MAMDC2: variants seen among roughly 807,000 people sequenced by gnomAD.
MAMDC2 encodes MAM domain-containing protein 2.
Under a neutral mutation model 89.8 loss-of-function variants are expected in MAMDC2, and 57 were observed. The ratio of observed to expected loss-of-function variants is 0.63; its 90% CI spans 0.51 to 0.79. The LOEUF (loss-of-function observed/expected upper bound fraction) is 0.79. MAMDC2 is among the 30% of genes least tolerant of loss of function. The pLI, the probability that MAMDC2 is intolerant of heterozygous loss-of-function variation, is 0.00. For synonymous variants in MAMDC2, 313 were observed against 293.4 expected, an observed-to-expected ratio of 1.07 and a Z score of -0.68; for missense variants, 800 against 820.6, an observed-to-expected ratio of 0.97 and a Z score of 0.31.
chr9:70,113,241 G>C, intron 5 of MAMDC2, 109 bp downstream of exon 5: 1 of 1,288,058 alleles, frequency 7.8e-7, no homozygotes, highest in Non-Finnish European at 1.1e-6. Flanking sequence ...GAAGAGAGGA[G>C]GGAGGAGGGT....
chr9:70,099,370 T>G (rs1274631387), intron 2 of MAMDC2, among the ~76,000 whole-genome samples: 1 of 152,238 alleles, frequency 6.6e-6, no homozygotes, highest in Non-Finnish European at 1.5e-5. Context: ...TTTGAAAGTC[T>G]TTGATATGCA....
chr9:70,197,820 A>T (rs952124935), intron 11 of MAMDC2, among the ~76,000 whole-genome samples: 1 of 152,098 alleles, frequency 6.6e-6, no homozygotes, highest in African/African-American at 2.4e-5. Context: ...GTCATAGCTC[A>T]TTCATCCAGG....
Position 70,108,252 on chromosome 9 carries a change from G to A in MAMDC2, c.190G>A (p.Glu64Lys). The change falls in exon 3 of 14, where the codon GAG becomes AAG. Residue 64 changes from glutamate to lysine, a missense_variant. By Grantham distance (56) the Glu-to-Lys change is moderately conservative. Coordinates refer to ENST00000377182, the MANE Select transcript of MAMDC2 (RefSeq NM_153267.5). ...GGATACCTCCTTTGGCAAGCAGGGG[G>A]AGAAAGCTGTGCTGCTAAGTCCTGA... is the stretch of plus-strand genomic sequence containing the variant. ...YVDTSFGKQGEKAVLLSPDLQ... is the reference protein window; with the variant it reads ...YVDTSFGKQGKKAVLLSPDLQ... 1.2e-6 allele frequency: 2 copies of A among 1,611,922 alleles called. No individual in the cohort carries two copies. Among genetic ancestry groups the A allele is most frequent in the Non-Finnish European group, 1.7e-6 (2 of 1,179,054 alleles).
chr9:70,170,516 G>C lies in MAMDC2; in HGVS notation c.1536G>C (p.Glu512Asp), dbSNP rs371556759. 1.7e-5 allele frequency: 28 copies of C among 1,612,458 alleles called. No individual in the cohort carries two copies. The African/African-American group carries it at 3.1e-4, about 18-fold the overall frequency. ...CTCCACCTGGAGAGTGTACTTTCGA[G>C]CAAGATGAATGTACATTTACTCAGG... ...LPPPPGECTF[E>D]QDECTFTQEK... is the part of the protein sequence containing the mutation. Residue 512 changes from glutamate (E) to aspartate (D), a missense_variant, in exon 11 of 14, where the codon GAG becomes GAC. Physicochemically the swap from Glu to Asp is conservative, Grantham distance 45 (BLOSUM62 2). Transcript: ENST00000377182.
At chr9:70,182,363 G>A (rs2032662746) in intron 11 of MAMDC2, among the ~76,000 whole-genome samples, 1 of 152,054 alleles carries the variant, frequency 6.6e-6, no homozygotes, top group Non-Finnish European at 1.5e-5. Context: ...AATGATGCCG[G>A]CCTCATAAAA....
chr9:70,168,841 T>C (rs2032246917), intron 10 of MAMDC2, 46 bp downstream of exon 10: 2 of 1,439,678 alleles, frequency 1.4e-6, no homozygotes, highest in Non-Finnish European at 2.0e-6. Flanking sequence ...GACCTATACA[T>C]ACATTTCCTG....
intron 7 of MAMDC2, among the ~76,000 whole-genome samples, chr9:70,134,100 C>G (rs1477432751): frequency 6.6e-6 from 1 of 152,150 alleles, no homozygotes. Context: ...CTCTGCTTTT[C>G]CCAGCTGGAC....
At chr9:70,179,921 G>A (rs1044833716) in intron 11 of MAMDC2, among the ~76,000 whole-genome samples, 7 of 146,442 alleles carry the variant, frequency 4.8e-5, no homozygotes, top group Non-Finnish European at 1.0e-4. Context: ...AGAACATGCA[G>A]GTTTGTTACA....
chr9:70,126,125 T>G, intron 5 of MAMDC2, 34 bp from the exon 6 acceptor site: 7 of 969,130 alleles, frequency 7.2e-6, no homozygotes, highest in Admixed American at 2.0e-5. Context: ...CACCCCCAAC[T>G]CTTAACACTG....
intron 7 of MAMDC2, among the ~76,000 whole-genome samples, chr9:70,138,919 GAC>G (rs1406252983): frequency 6.6e-6 from 1 of 152,056 alleles, no homozygotes; most frequent in African/African-American, 2.4e-5. Flanking sequence ...CTGTGCTTCT[GAC>G]ACAGAGATTG....
intron 2 of MAMDC2, among the ~76,000 whole-genome samples, chr9:70,094,709 T>C (rs150223917): frequency 1.8e-4 from 28 of 152,278 alleles, no homozygotes; most frequent in African/African-American, 6.5e-4. Flanking sequence ...TTTAAAAATA[T>C]AGAAAGCACA....
intron 2 of MAMDC2, among the ~76,000 whole-genome samples, chr9:70,053,506 C>A (rs752501044): frequency 1.3e-5 from 2 of 152,158 alleles, no homozygotes; most frequent in African/African-American, 2.4e-5. Context: ...CCCTTGGTGG[C>A]GGCCCTAGGC....
At chr9:70,074,113 A>T (rs1042591287) in intron 2 of MAMDC2, among the ~76,000 whole-genome samples, 1 of 152,214 alleles carries the variant, frequency 6.6e-6, no homozygotes, top group African/African-American at 2.4e-5. Context: ...AAATGAAAGG[A>T]TGCTGTTTGA....
intron 11 of MAMDC2, among the ~76,000 whole-genome samples, chr9:70,208,809 A>G (rs1393612074): frequency 6.6e-6 from 1 of 152,192 alleles, no homozygotes; most frequent in Non-Finnish European, 1.5e-5. Context: ...TGTCCCATCA[A>G]TACCTAGTTT....
intron 1 of MAMDC2, 31 bp downstream of exon 1, chr9:70,044,262 G>T (rs1192176315): frequency 6.2e-7 from 1 of 1,609,348 alleles, no homozygotes; most frequent in Non-Finnish European, 8.5e-7. Context: ...CAACCCCGGG[G>T]GCGCTCTGAC....
At chr9:70,146,780 CA>C (rs2031417764) in intron 9 of MAMDC2, among the ~76,000 whole-genome samples, 1 of 149,824 alleles carries the variant, frequency 6.7e-6, no homozygotes, top group South Asian at 2.1e-4. Flanking sequence ...TAAAAAAATA[CA>C]AAAATTAGCC....
intron 2 of MAMDC2, among the ~76,000 whole-genome samples, chr9:70,053,066 G>A (rs1826948095): frequency 6.6e-6 from 1 of 152,220 alleles, no homozygotes; most frequent in South Asian, 2.1e-4. Context: ...ACTAGCTATG[G>A]AGAGCGGGTG....
chr9:70,098,061 T>C (rs1176523692), intron 2 of MAMDC2, among the ~76,000 whole-genome samples: 1 of 152,206 alleles, frequency 6.6e-6, no homozygotes, highest in Non-Finnish European at 1.5e-5. Flanking sequence ...ATGAAGTACC[T>C]TGTTGTCTGG....
At chr9:70,145,043 T>G (rs1025273866) in intron 9 of MAMDC2, among the ~76,000 whole-genome samples, 2 of 152,224 alleles carry the variant, frequency 1.3e-5, no homozygotes, top group African/African-American at 4.8e-5. Flanking sequence ...TAGGCAGGAA[T>G]AGCATGGCAA....
Sources: gnomAD v4.1 joint callset for allele counts (sites outside exome capture counted in the v4.1 genomes callset) on GRCh38, gnomAD v4.1.1 for gene constraint, MANE v1.5 for transcripts, NCBI Gene and HGNC (gene_info 2026-07-23, HGNC 2026-07-21) for gene names.